Variants in PRH1 observed in about 807,000 individuals in gnomAD.
The protein encoded by PRH1 is proline rich protein HaeIII subfamily 1.
Under a neutral mutation model 7.9 loss-of-function variants are expected in PRH1, and 7 were observed. The observed-to-expected ratio is 0.89, with a 90% CI of 0.50 to 1.67. The LOEUF (loss-of-function observed/expected upper bound fraction) is 1.67, where lower values mean the gene tolerates loss of function less well. Among genes scored for constraint, PRH1 ranks in the 40% most tolerant of loss-of-function variants. The pLI is 0.00. For synonymous variants in PRH1, 45 were observed against 80.8 expected (o/e 0.56, Z 2.38); for missense variants, 109 against 223.6 (o/e 0.49, Z 3.27).
chr12:11,025,296 T>G (rs1462310313), intron 1 of PRH1, among the ~76,000 whole-genome samples: 1 of 152,220 alleles, frequency 6.6e-6, no homozygotes, highest in African/African-American at 2.4e-5. Flanking sequence ...TAATTTTATT[T>G]TATCTGAAAA....
chr12:11,148,264 T>C (rs7963680), intron 1 of PRH1, among the ~76,000 whole-genome samples: 68,136 of 149,450 alleles, frequency 0.46, 16,369 homozygotes, highest in Non-Finnish European at 0.53. Flanking sequence ...CTTTTCCTAA[T>C]TGAATACCCT....
upstream of PRH1, among the ~76,000 whole-genome samples, chr12:10,887,172 G>A (rs1591647909): frequency 1.3e-5 from 2 of 152,214 alleles, no homozygotes; most frequent in South Asian, 4.1e-4. Flanking sequence ...AATCTTCTTC[G>A]ACTTCACCAT....
chr12:11,048,858 C>T (rs886084869), upstream of PRH1: 12 of 276,530 alleles, frequency 4.3e-5, no homozygotes, highest in African/African-American at 2.7e-4. Flanking sequence ...AGGGCCCCAA[C>T]AGCATCACCA....
At position 11,032,259 on chromosome 12, in the gene PRH1, C is replaced by T. The variant is rs1206415649; in HGVS notation, c.-126+14761G>A. On this transcript the variant is annotated intron_variant, in intron 1 of 3. Transcript: ENST00000539853. ...CAGTTGTTAGGGAAGTTTTGTAACT[C>T]AATATATATATCATATAGTAAATAT... Among the ~76,000 whole-genome samples the T allele has an allele frequency of 2.6e-5, 4 of 152,278 alleles. No homozygotes were observed. The East Asian group carries it at 5.8e-4, about 22-fold the overall frequency.
chr12:11,151,475 GA>G (rs1175878651), intron 1 of PRH1, among the ~76,000 whole-genome samples: 2 of 152,166 alleles, frequency 1.3e-5, no homozygotes, highest in African/African-American at 4.8e-5. Flanking sequence ...GATAGAGACA[GA>G]AATTTCACAG....
chr12:10,888,266 A>G (rs1180388306), upstream of PRH1, among the ~76,000 whole-genome samples: 1 of 152,170 alleles, frequency 6.6e-6, no homozygotes, highest in Non-Finnish European at 1.5e-5. Context: ...TGATTCGCAA[A>G]TGTAATTTCC....
At chr12:11,074,608 A>AC (rs1944221898) in intron 1 of PRH1, among the ~76,000 whole-genome samples, 1 of 116,742 alleles carries the variant, frequency 8.6e-6, no homozygotes, top group East Asian at 2.1e-4. Flanking sequence ...TTAAGTAGAA[A>AC]GTGGGAAACA....
chr12:10,906,729 T>A (rs777133344), intron 2 of PRH1, among the ~76,000 whole-genome samples: 6 of 152,198 alleles, frequency 3.9e-5, no homozygotes, highest in Non-Finnish European at 7.3e-5. Flanking sequence ...GTGACTTTTG[T>A]CTCTGCCATT....
At chr12:10,996,979 G>A in intron 1 of PRH1, 1 of 1,613,342 alleles carries the variant, frequency 6.2e-7, no homozygotes. Context: ...CTTTTGCCCA[G>A]CAAGTCACCT....
intron 2 of PRH1, among the ~76,000 whole-genome samples, chr12:10,921,885 G>T (rs1403595829): frequency 2.0e-5 from 3 of 152,060 alleles, no homozygotes; most frequent in Non-Finnish European, 2.9e-5. Flanking sequence ...TTCCACCTCA[G>T]CCTCCCTAGT....
upstream of PRH1, chr12:11,049,139 T>C: frequency 1.5e-6 from 1 of 668,718 alleles, no homozygotes; most frequent in Non-Finnish European, 2.2e-6. Flanking sequence ...GATGAGATCT[T>C]TTGTGTCTTA....
chr12:11,085,929 T>C (rs1353071432), intron 1 of PRH1, among the ~76,000 whole-genome samples: 2 of 119,504 alleles, frequency 1.7e-5, no homozygotes, highest in Non-Finnish European at 4.0e-5. Context: ...ATGACCACTG[T>C]TGATTCATTT....
intron 1 of PRH1, chr12:10,986,293 G>C (rs751722182): frequency 6.2e-7 from 1 of 1,614,084 alleles, no homozygotes; most frequent in South Asian, 1.1e-5. Flanking sequence ...ATCAGGGACA[G>C]AGTAAAGGGT....
At chr12:10,987,708 A>C (rs990705674) in intron 1 of PRH1, among the ~76,000 whole-genome samples, 2 of 152,096 alleles carry the variant, frequency 1.3e-5, no homozygotes, top group African/African-American at 4.8e-5. Context: ...CCCCAAAAAA[A>C]TGTATCAAAC....
intron 1 of PRH1, among the ~76,000 whole-genome samples, chr12:11,114,995 C>T (rs1041855640): frequency 6.6e-6 from 1 of 152,048 alleles, no homozygotes; most frequent in Non-Finnish European, 1.5e-5. Context: ...GAAGAGCAGA[C>T]CACAACATAA....
At chr12:11,040,623 TG>T (rs1312328585) in intron 1 of PRH1, among the ~76,000 whole-genome samples, 1 of 152,162 alleles carries the variant, frequency 6.6e-6, no homozygotes, top group Non-Finnish European at 1.5e-5. Context: ...GACGGGTTGA[TG>T]GGTGCAGCAA....
intron 1 of PRH1, among the ~76,000 whole-genome samples, chr12:11,074,117 T>A (rs1362875965): frequency 6.7e-6 from 1 of 148,612 alleles, no homozygotes; most frequent in African/African-American, 2.5e-5. Context: ...GCACCTTGCC[T>A]GATCCAGATC....
intron 1 of PRH1, among the ~76,000 whole-genome samples, chr12:11,010,772 G>C (rs768706601): frequency 2.0e-5 from 3 of 151,532 alleles, no homozygotes; most frequent in Non-Finnish European, 4.4e-5. Context: ...TTATAATTCA[G>C]AATGTATTTT....
chr12:11,161,821 C>A (rs1413071492), intron 1 of PRH1, among the ~76,000 whole-genome samples: 1 of 151,960 alleles, frequency 6.6e-6, no homozygotes, highest in Non-Finnish European at 1.5e-5. Context: ...AAGAAAGAGG[C>A]CTGGGATAAG....
Sources: gnomAD v4.1 joint callset for allele counts (sites outside exome capture counted in the v4.1 genomes callset) on GRCh38, gnomAD v4.1.1 for gene constraint, MANE v1.5 for transcripts, NCBI Gene and HGNC (gene_info 2026-07-23, HGNC 2026-07-21) for gene names.